The following OGDH variants were observed in gnomAD, a reference collection of about 807,000 sequenced individuals.
OGDH encodes the protein 2-oxoglutarate dehydrogenase complex component E1.
OGDH carries 38 observed loss-of-function variants against 116.6 expected under a neutral mutation model. The ratio of observed to expected loss-of-function variants is 0.33; its 90% CI spans 0.25 to 0.43. The LOEUF is 0.43. Ranked by LOEUF, OGDH falls within the 20% of genes least tolerant of loss-of-function variation. OGDH has a pLI of 1.00. For synonymous variants in OGDH, 488 were observed against 533.3 expected (o/e 0.92, Z 1.17); for missense variants, 825 against 1,357.2 (o/e 0.61, Z 6.16).
chr7:44,682,406 A>T (rs1414093083), intron 10 of OGDH, among the ~76,000 whole-genome samples: 1 of 151,796 alleles, frequency 6.6e-6, no homozygotes, highest in Non-Finnish European at 1.5e-5. Flanking sequence ...AAGAAAAGAA[A>T]AAAAGTTAGC....
chr7:44,621,283 G>A (rs1455175668), intron 1 of OGDH, among the ~76,000 whole-genome samples: 2 of 152,012 alleles, frequency 1.3e-5, no homozygotes, highest in Non-Finnish European at 2.9e-5. Flanking sequence ...TATGTTGCCC[G>A]GGCTGGTCTC....
At chr7:44,687,118 G>C (rs1788165964) in intron 10 of OGDH, among the ~76,000 whole-genome samples, 1 of 118,630 alleles carries the variant, frequency 8.4e-6, no homozygotes, top group African/African-American at 3.4e-5. Flanking sequence ...TTTTTTCTGA[G>C]ATGGAGTCTG....
intron 20 of OGDH, among the ~76,000 whole-genome samples, chr7:44,705,148 G>A (rs1370573207): frequency 1.4e-5 from 2 of 138,312 alleles, no homozygotes; most frequent in Non-Finnish European, 3.0e-5. Flanking sequence ...CACCTCCCGG[G>A]TTCACGCCAT....
At chr7:44,646,445 A>T (rs1470773987) in intron 3 of OGDH, among the ~76,000 whole-genome samples, 5 of 152,246 alleles carry the variant, frequency 3.3e-5, no homozygotes, top group Non-Finnish European at 5.9e-5. Flanking sequence ...CTGGCAAGTA[A>T]GGCTCTCTCC....
chr7:44,647,867 T>C, intron 4 of OGDH, 108 bp downstream of exon 4: 2 of 769,562 alleles, frequency 2.6e-6, no homozygotes, highest in Non-Finnish European at 4.4e-6. Flanking sequence ...TAAGTTTCCT[T>C]TCATTCTGAT....
chr7:44,645,467 C>G lies in OGDH; in HGVS notation c.363C>G (p.Asp121Glu). 5 of 1,614,210 alleles carry G rather than the reference C, an allele frequency of 3.1e-6. No homozygotes were observed. The highest frequency in any genetic ancestry group is 4.2e-6 in the Non-Finnish European group (5 of 1,180,036). ...QSLVEAQPNVDKLVEDHLAVQ... is the reference protein window; with the variant it reads ...QSLVEAQPNVEKLVEDHLAVQ... ...TGGTAGAAGCACAGCCCAACGTGGA[C>G]AAGCTCGTGGAGGACCACCTGGCAG... is the stretch of plus-strand genomic sequence containing the variant. The change falls in exon 3 of 23, where the codon GAC (aspartate) becomes GAG (glutamate). Residue 121 changes from aspartate to glutamate, a missense_variant. By Grantham distance (45) the Asp-to-Glu change is conservative (BLOSUM62 2). This residue lies in a region of OGDH where 171 missense variants were observed against 276.8 expected (regional missense o/e 0.62). Coordinates refer to ENST00000222673, the MANE Select transcript of OGDH (RefSeq NM_002541.4).
chr7:44,640,100 GCTGACCTTGACC>G (rs976773452), intron 2 of OGDH, among the ~76,000 whole-genome samples: 3 of 152,306 alleles, frequency 2.0e-5, no homozygotes, highest in African/African-American at 7.2e-5. Context: ...GGACCAGAGA[GCTGACCTTGACC>G]CTGACCTTGT....
chr7:44,623,811 A>G (rs545108718), intron 1 of OGDH, among the ~76,000 whole-genome samples: 1 of 152,050 alleles, frequency 6.6e-6, no homozygotes, highest in South Asian at 2.1e-4. Flanking sequence ...ACACCCAGCT[A>G]ATTTTTGTAT....
intron 1 of OGDH, among the ~76,000 whole-genome samples, chr7:44,621,295 A>G (rs1465433726): frequency 6.6e-6 from 1 of 152,142 alleles, no homozygotes; most frequent in Non-Finnish European, 1.5e-5. Flanking sequence ...GCTGGTCTCA[A>G]ACTCCTGGCC....
At chr7:44,652,119 T>G (rs1421260327) in intron 4 of OGDH, among the ~76,000 whole-genome samples, 1 of 151,936 alleles carries the variant, frequency 6.6e-6, no homozygotes, top group Non-Finnish European at 1.5e-5. Flanking sequence ...ATAAGTTTTT[T>G]TTTTTTGAGA....
intron 10 of OGDH, among the ~76,000 whole-genome samples, chr7:44,684,588 A>G (rs1184223527): frequency 6.6e-6 from 1 of 152,164 alleles, no homozygotes; most frequent in Non-Finnish European, 1.5e-5. Context: ...GTAGTTACCC[A>G]TGCAGTGAGT....
intron 20 of OGDH, among the ~76,000 whole-genome samples, chr7:44,705,831 A>G (rs975302928): frequency 2.6e-5 from 4 of 152,232 alleles, no homozygotes; most frequent in Admixed American, 2.0e-4. Context: ...AAGTCAGGGT[A>G]TTAGGGTGTC....
At chr7:44,638,803 G>A (rs1296048898) in intron 2 of OGDH, among the ~76,000 whole-genome samples, 17 of 152,322 alleles carry the variant, frequency 1.1e-4, no homozygotes, top group Admixed American at 7.2e-4. Flanking sequence ...TGCTCCATGG[G>A]AATTAGATGG....
intron 10 of OGDH, among the ~76,000 whole-genome samples, chr7:44,684,360 A>G (rs1269674322): frequency 6.6e-6 from 1 of 152,202 alleles, no homozygotes; most frequent in Non-Finnish European, 1.5e-5. Context: ...CTCAGCAAGA[A>G]GTAGAGAGAG....
rs182640647 is a variant in OGDH at position 44,653,846 on chromosome 7, T to A, written c.517+6087T>A. Among the ~76,000 whole-genome samples, 406 of 151,400 alleles carry A rather than the reference T, an allele frequency of 2.7e-3. 1 individual carries two copies. The highest frequency in any genetic ancestry group is 9.0e-3 in the African/African-American group (369 of 41,030). ...TGGCCTAATTAAATTTGTTTTTTTT[T>A]ATTTTTATTTTATTTTATTTTTTTT... On this transcript the variant is annotated intron_variant, in intron 4 of 22. Transcript: ENST00000222673.
rs947000633 is a variant in OGDH, at chr7:44,686,046, CT to C, written c.1335+4209del. ...TTATTAGTTCTAATTTTCTTTCTTTCTTTTTTTTTTTGAGGATTCTTTCTGG... is the reference window on the plus strand; with the variant it reads ...TTATTAGTTCTAATTTTCTTTCTTTCTTTTTTTTTTGAGGATTCTTTCTGG... On this transcript the variant is annotated intron_variant, in intron 10 of 22. Transcript: ENST00000222673. 9.7e-4 allele frequency among the ~76,000 whole-genome samples: 140 copies of C among 144,748 alleles called. 1 individual carries two copies. The highest frequency in any genetic ancestry group is 2.7e-3 in the African/African-American group (108 of 39,926). 95.0% of individuals were successfully genotyped at this position (144,748 alleles called of 152,430 possible).
chr7:44,689,040 G>A (rs1788254858), intron 10 of OGDH, among the ~76,000 whole-genome samples: 1 of 151,972 alleles, frequency 6.6e-6, no homozygotes, highest in African/African-American at 2.4e-5. Flanking sequence ...ATGAGCCACT[G>A]TGCCCAGCCT....
chr7:44,687,719 C>G (rs965281748), intron 10 of OGDH, among the ~76,000 whole-genome samples: 5 of 152,090 alleles, frequency 3.3e-5, no homozygotes, highest in African/African-American at 1.2e-4. Flanking sequence ...TCACCACACC[C>G]GCCTGCTCAA....
In OGDH at chr7:44,633,520, C is replaced by T. The variant is rs1785536776; in HGVS notation, c.222+8955C>T. On this transcript the variant is annotated intron_variant, in intron 2 of 22. Coordinates refer to ENST00000222673, the MANE Select transcript of OGDH (RefSeq NM_002541.4). ...GTTATTAAAAAATAGTCTGTTTAGT[C>T]TCTAGGTTACTGTTCTCTGGCTCCC... is the stretch of plus-strand genomic sequence containing the variant. 1.3e-5 allele frequency among the ~76,000 whole-genome samples: 2 copies of T among 152,282 alleles called. 1 individual carries two copies. The highest frequency in any genetic ancestry group is 4.1e-4 in the South Asian group (2 of 4,830).
Sources: allele counts gnomAD v4.1 joint callset (sites outside exome capture counted in the v4.1 genomes callset), GRCh38; gene constraint gnomAD v4.1.1; regional missense constraint gnomAD v4.1.1; transcripts MANE v1.5; gene names NCBI Gene and HGNC (gene_info 2026-07-23, HGNC 2026-07-21).